Variants in NRG1 observed in about 807,000 individuals in gnomAD.
The protein encoded by NRG1 is neuregulin 1, also known as pro-neuregulin-1, membrane-bound isoform.
A neutral mutation model predicts 63.8 loss-of-function variants in NRG1; 18 were observed. The ratio of observed to expected loss-of-function variants is 0.28; its 90% CI spans 0.19 to 0.42. The LOEUF is 0.42. NRG1 is among the 10% of genes least tolerant of loss of function. NRG1 has a pLI of 1.00. For missense variants in NRG1, 762 were observed against 814.7 expected (o/e 0.94, Z 0.79); for synonymous variants, 302 against 301.3 (o/e 1.00, Z -0.02).
chr8:31,700,972 T>C (rs1810569738), intron 1 of NRG1, among the ~76,000 whole-genome samples: 1 of 152,156 alleles, frequency 6.6e-6, no homozygotes, highest in Non-Finnish European at 1.5e-5. Flanking sequence ...TGGAGCTTCT[T>C]TTTCTCTGTA....
At chr8:32,565,301 A>G (rs1458064399) in intron 1 of NRG1, among the ~76,000 whole-genome samples, 1 of 152,084 alleles carries the variant, frequency 6.6e-6, no homozygotes, top group Admixed American at 6.6e-5. Flanking sequence ...TTCTTTTTCT[A>G]TAATTTAAAG....
chr8:31,806,591 A>C (rs1429172786), intron 1 of NRG1, among the ~76,000 whole-genome samples: 1 of 152,184 alleles, frequency 6.6e-6, no homozygotes, highest in African/African-American at 2.4e-5. Context: ...TATTGCATTG[A>C]TTTTGAAAAA....
intron 1 of NRG1, among the ~76,000 whole-genome samples, chr8:31,823,516 T>C (rs1437122891): frequency 6.6e-6 from 1 of 152,228 alleles, no homozygotes; most frequent in African/African-American, 2.4e-5. Flanking sequence ...CCATCACTAT[T>C]AGTTTCATGG....
chr8:32,453,577 G>C (rs1821240380), intron 1 of NRG1, among the ~76,000 whole-genome samples: 1 of 152,146 alleles, frequency 6.6e-6, no homozygotes, highest in African/African-American at 2.4e-5. Context: ...CTGTTTATAG[G>C]AAAGAGTGAA....
intron 1 of NRG1, among the ~76,000 whole-genome samples, chr8:32,561,656 C>T (rs1399073806): frequency 1.3e-5 from 2 of 152,306 alleles, no homozygotes; most frequent in African/African-American, 4.8e-5. Context: ...TGCTCTGAGA[C>T]CACTGAGTCA....
chr8:32,033,995 G>C (rs573447405), intron 1 of NRG1, among the ~76,000 whole-genome samples: 2 of 152,266 alleles, frequency 1.3e-5, no homozygotes, highest in East Asian at 3.9e-4. Flanking sequence ...TGTTGAATAG[G>C]AGTGTTGAGA....
In NRG1 at chr8:32,360,800, G is replaced by A. The variant is rs193211949; in HGVS notation, c.38-235028G>A. Among the ~76,000 whole-genome samples, 14 of 152,246 alleles carry A rather than the reference G, an allele frequency of 9.2e-5. No homozygotes were observed. In the East Asian group the frequency reaches 2.7e-3, roughly 29 times the overall value. ...CCCAGTTCCCTTAACTATCACCAGGGAGTCAGCAGTTAATGACATGCTCAA... is the reference window on the plus strand; with the variant it reads ...CCCAGTTCCCTTAACTATCACCAGGAAGTCAGCAGTTAATGACATGCTCAA... On this transcript the variant is annotated intron_variant, in intron 1 of 10. Transcript: ENST00000519301.
intron 1 of NRG1, among the ~76,000 whole-genome samples, chr8:32,310,295 A>G (rs903461487): frequency 5.3e-5 from 8 of 152,210 alleles, no homozygotes; most frequent in Non-Finnish European, 2.9e-5. Context: ...CTGATATCCT[A>G]TTCATGGGCT....
At chr8:32,675,112 C>G (rs1806714155) in intron 5 of NRG1, among the ~76,000 whole-genome samples, 1 of 152,162 alleles carries the variant, frequency 6.6e-6, no homozygotes, top group Non-Finnish European at 1.5e-5. Flanking sequence ...TGTACAAATT[C>G]ATGGTGTTAT....
intron 1 of NRG1, among the ~76,000 whole-genome samples, chr8:31,976,823 A>G (rs1385646144): frequency 6.6e-6 from 1 of 152,086 alleles, no homozygotes; most frequent in Admixed American, 6.6e-5. Context: ...TCTTTGGGAG[A>G]ATTTCTTATC....
intron 1 of NRG1, among the ~76,000 whole-genome samples, chr8:31,697,405 G>A (rs1028752357): frequency 6.6e-6 from 1 of 152,094 alleles, no homozygotes; most frequent in Non-Finnish European, 1.5e-5. Context: ...TTGGGATTTT[G>A]TAGAAACCCT....
chr8:32,090,341 A>C (rs1828927557), intron 1 of NRG1, among the ~76,000 whole-genome samples: 1 of 152,146 alleles, frequency 6.6e-6, no homozygotes, highest in South Asian at 2.1e-4. Flanking sequence ...ACTAAATTTT[A>C]ATATGTCTTA....
intron 1 of NRG1, among the ~76,000 whole-genome samples, chr8:32,046,225 A>G (rs532175587): frequency 1.3e-5 from 2 of 152,190 alleles, no homozygotes; most frequent in South Asian, 4.1e-4. Context: ...GGGAAATGCA[A>G]CTAAAATGAT....
At chr8:31,689,905 C>G (rs1809314938) in intron 1 of NRG1, among the ~76,000 whole-genome samples, 1 of 152,040 alleles carries the variant, frequency 6.6e-6, no homozygotes, top group Non-Finnish European at 1.5e-5. Flanking sequence ...TAGAATAGGC[C>G]CCATTAGGAT....
chr8:32,657,453 G>T (rs7814926), intron 5 of NRG1, among the ~76,000 whole-genome samples: 5 of 152,018 alleles, frequency 3.3e-5, no homozygotes, highest in Non-Finnish European at 7.4e-5. Flanking sequence ...AGCATCAGAG[G>T]TTATAGAGTA....
intron 5 of NRG1, among the ~76,000 whole-genome samples, chr8:32,677,635 T>G (rs1807488558): frequency 1.3e-5 from 2 of 152,032 alleles, no homozygotes. Context: ...CCAGCCTGGG[T>G]GACAGAGCCA....
chr8:32,413,399 G>T (rs78147120), intron 1 of NRG1, among the ~76,000 whole-genome samples: 2,906 of 152,216 alleles, frequency 0.019, 54 homozygotes, highest in Middle Eastern at 0.027. Context: ...TATACTGTAT[G>T]CTCGATGAGA....
At chr8:31,664,849 A>T (rs1806361340) in intron 1 of NRG1, among the ~76,000 whole-genome samples, 1 of 152,230 alleles carries the variant, frequency 6.6e-6, no homozygotes, top group African/African-American at 2.4e-5. Flanking sequence ...TATGGAAGAT[A>T]AAGTGATATG....
At chr8:32,320,782 G>A (rs1193817182) in intron 1 of NRG1, among the ~76,000 whole-genome samples, 2 of 152,088 alleles carry the variant, frequency 1.3e-5, no homozygotes, top group African/African-American at 4.8e-5. Context: ...TGCTCACCTA[G>A]ACTTCAAAAG....
Sources: gnomAD v4.1 joint callset for allele counts (sites outside exome capture counted in the v4.1 genomes callset) on GRCh38, gnomAD v4.1.1 for gene constraint, MANE v1.5 for transcripts, NCBI Gene and HGNC (gene_info 2026-07-23, HGNC 2026-07-21) for gene names.